ZNF608: variants seen among roughly 807,000 people sequenced by gnomAD.
The protein encoded by ZNF608 is zinc finger protein 608.
ZNF608 carries 12 observed loss-of-function variants against 109.0 expected under a neutral mutation model. The observed-to-expected ratio is 0.11, with a 90% CI of 0.07 to 0.18. The LOEUF (loss-of-function observed/expected upper bound fraction) is 0.18, where lower values mean the gene tolerates loss of function less well. Among genes scored for constraint, ZNF608 ranks in the 10% least tolerant of loss-of-function variants. The pLI is 1.00. For missense variants in ZNF608, 1,707 were observed against 1,879.3 expected, an observed-to-expected ratio of 0.91 and a Z score of 1.70; for synonymous variants, 732 against 717.4, an observed-to-expected ratio of 1.02 and a Z score of -0.33.
chr5:124,645,637 G>C (rs933618565), intron 5 of ZNF608, among the ~76,000 whole-genome samples: 1 of 152,122 alleles, frequency 6.6e-6, no homozygotes, highest in African/African-American at 2.4e-5. Context: ...GTTGCAGTGG[G>C]TCAGGATGTC....
intron 1 of ZNF608, 56 bp downstream of exon 1, chr5:124,746,139 A>C: frequency 2.0e-6 from 2 of 985,320 alleles, no homozygotes; most frequent in Non-Finnish European, 2.4e-6. Flanking sequence ...ATTGTCAAGA[A>C]AAAAATAAAT....
chr5:124,653,925 G>A (rs535640825), intron 3 of ZNF608, among the ~76,000 whole-genome samples: 14 of 151,992 alleles, frequency 9.2e-5, no homozygotes, highest in South Asian at 8.3e-4. Flanking sequence ...CTTTGTGTGC[G>A]TGTGTGTGTG....
In ZNF608 at chr5:124,648,090, A is replaced by G. The variant is rs993335726; in HGVS notation, c.2294T>C (p.Ile765Thr). 7.2e-7 allele frequency: 1 copy of G among 1,381,124 alleles called. No homozygotes were observed. Among genetic ancestry groups the G allele is most frequent in the Admixed American group, 1.9e-5 (1 of 52,180 alleles). 85.6% of individuals were successfully genotyped at this position (1,381,124 alleles called of 1,614,324 possible). ...ATFTTTTTGT[I>T]PGLPSLTTTV... is the part of the protein sequence containing the mutation. Reference sequence around the variant, plus strand: ...TGTTGTGAGGGAGGGCAGTCCGGGTATTGTCCCAGTGGTGGTCGTTGTAAA... The same window carrying G: ...TGTTGTGAGGGAGGGCAGTCCGGGTGTTGTCCCAGTGGTGGTCGTTGTAAA... The change falls in exon 5 of 10, where the codon ATA becomes ACA. Residue 765 changes from isoleucine to threonine, a missense_variant. Ile to Thr is a moderately conservative substitution (Grantham distance 89). Coordinates refer to ENST00000513986, the MANE Select transcript of ZNF608 (RefSeq NM_020747.3).
In ZNF608 at chr5:124,643,520, C is replaced by T; in HGVS notation, c.4287G>A (p.Lys1429=). The T allele has an allele frequency of 6.2e-7, 1 of 1,614,096 alleles. No individual in the cohort carries two copies. The highest frequency in any genetic ancestry group is 1.3e-5 in the African/African-American group (1 of 75,050). ...ACAAAAGGAGGCTTACAGCAGGAGA[C>T]TTGCTGCGGTATTGGTTAGCATGCT... ...LQQHANQYRS[K]SPAPVEKATA... Residue 1429 remains lysine (K), a synonymous_variant, in exon 7 of 10, where the codon AAG becomes AAA. Transcript: ENST00000513986.
intron 3 of ZNF608, among the ~76,000 whole-genome samples, chr5:124,661,633 G>T (rs1243180720): frequency 6.6e-6 from 1 of 151,662 alleles, no homozygotes; most frequent in African/African-American, 2.4e-5. Flanking sequence ...AGCACTTACT[G>T]GAGCAAAGTC....
intron 3 of ZNF608, among the ~76,000 whole-genome samples, chr5:124,691,672 T>A (rs1170822493): frequency 6.6e-6 from 1 of 152,232 alleles, no homozygotes. Flanking sequence ...CTATCATATG[T>A]GACACCATGC....
At chr5:124,693,356 A>G (rs1752693774) in intron 3 of ZNF608, among the ~76,000 whole-genome samples, 1 of 152,232 alleles carries the variant, frequency 6.6e-6, no homozygotes, top group African/African-American at 2.4e-5. Flanking sequence ...TTCCTTCTTT[A>G]CAGGAAGAAG....
chr5:124,669,158 A>T (rs1751608495), intron 3 of ZNF608, among the ~76,000 whole-genome samples: 1 of 152,148 alleles, frequency 6.6e-6, no homozygotes, highest in African/African-American at 2.4e-5. Flanking sequence ...ACTTCCTGGG[A>T]TAGCACCTTC....
At chr5:124,684,907 T>C (rs555396237) in intron 3 of ZNF608, among the ~76,000 whole-genome samples, 2 of 152,322 alleles carry the variant, frequency 1.3e-5, no homozygotes, top group East Asian at 3.9e-4. Context: ...TCTGCAACAA[T>C]ACATTTTTTA....
At chr5:124,734,216 C>A (rs766155201) in intron 2 of ZNF608, among the ~76,000 whole-genome samples, 15 of 152,220 alleles carry the variant, frequency 9.9e-5, no homozygotes, top group Middle Eastern at 3.4e-3. Flanking sequence ...TAAATTTCGC[C>A]GTTTACATTA....
At chr5:124,668,206 A>ATATATATAATATATATATATATATTT (rs1751564091) in intron 3 of ZNF608, among the ~76,000 whole-genome samples, 1 of 144,030 alleles carries the variant, frequency 6.9e-6, no homozygotes, top group African/African-American at 2.6e-5. Flanking sequence ...ATATATATAT[A>ATATATATAATATATATATATATATTT]TATATATATA....
chr5:124,652,466 C>A (rs1009083129), intron 3 of ZNF608, among the ~76,000 whole-genome samples: 1 of 152,184 alleles, frequency 6.6e-6, no homozygotes, highest in Non-Finnish European at 1.5e-5. Flanking sequence ...TTGTGTCTAT[C>A]TTTCTTTATA....
At chr5:124,696,654 G>A (rs1303571951) in intron 3 of ZNF608, among the ~76,000 whole-genome samples, 2 of 152,132 alleles carry the variant, frequency 1.3e-5, no homozygotes, top group African/African-American at 4.8e-5. Context: ...TTCATGTTGA[G>A]GAGCAAAGCC....
rs776974980 is a variant in ZNF608, at chr5:124,647,451, C to T, written c.2933G>A (p.Gly978Glu). The T allele has an allele frequency of 2.7e-5, 44 of 1,614,074 alleles. No homozygotes were observed. In the Admixed American group the frequency reaches 6.3e-4, roughly 23 times the overall value. The part of the protein sequence containing the change: ...IISSKDSVVK[G>E]HSSTTAQSSQ... Reference sequence around the variant, plus strand: ...TGATTGTGCTGTAGTTGAAGAATGCCCTTTTACAACACTGTCCTTACTAGA... The same window carrying T: ...TGATTGTGCTGTAGTTGAAGAATGCTCTTTTACAACACTGTCCTTACTAGA... Residue 978 changes from glycine (G) to glutamate (E), a missense_variant, in exon 5 of 10, where the codon GGG (glycine) becomes GAG (glutamate). Coordinates refer to ENST00000513986, the MANE Select transcript of ZNF608 (RefSeq NM_020747.3).
At chr5:124,663,274 T>A (rs372491481) in intron 3 of ZNF608, among the ~76,000 whole-genome samples, 3 of 152,270 alleles carry the variant, frequency 2.0e-5, no homozygotes, top group East Asian at 3.9e-4. Flanking sequence ...CAGCCCATTA[T>A]CTCTTCTTAC....
intron 3 of ZNF608, among the ~76,000 whole-genome samples, chr5:124,691,166 C>T (rs12656420): frequency 0.2 from 30,015 of 151,936 alleles, 2,982 homozygotes; most frequent in African/African-American, 0.22. Context: ...TCCCAGCTAC[C>T]TGGGAGACTG....
intron 2 of ZNF608, chr5:124,710,541 C>T (rs1212081740): frequency 8.2e-6 from 2 of 244,906 alleles, no homozygotes; most frequent in Non-Finnish European, 8.2e-6. Context: ...CAGAAGAAGA[C>T]AATTTTGACT....
chr5:124,689,556 A>G (rs1752534275), intron 3 of ZNF608, among the ~76,000 whole-genome samples: 1 of 152,204 alleles, frequency 6.6e-6, no homozygotes, highest in African/African-American at 2.4e-5. Context: ...CAATAATAAG[A>G]AAACAACTCT....
At chr5:124,729,348 C>T (rs373553926) in intron 2 of ZNF608, among the ~76,000 whole-genome samples, 28 of 152,198 alleles carry the variant, frequency 1.8e-4, no homozygotes, top group African/African-American at 6.5e-4. Context: ...AATGGAGGTC[C>T]TGAGTGAGAG....
Sources: allele counts gnomAD v4.1 joint callset (sites outside exome capture counted in the v4.1 genomes callset), GRCh38; gene constraint gnomAD v4.1.1; transcripts MANE v1.5; gene names NCBI Gene and HGNC (gene_info 2026-07-23, HGNC 2026-07-21).